Variants in MICU1 observed in about 807,000 individuals in gnomAD.
MICU1 encodes mitochondrial calcium uptake 1.
Under a neutral mutation model 56.8 loss-of-function variants are expected in MICU1, and 45 were observed. The observed-to-expected ratio is 0.79, with a 90% CI of 0.62 to 1.02. The LOEUF (loss-of-function observed/expected upper bound fraction) is 1.02. Among genes scored for constraint, MICU1 ranks in the 50% least tolerant of loss-of-function variants. The pLI, the probability that MICU1 is intolerant of heterozygous loss-of-function variation, is 0.00. For missense variants in MICU1, 504 were observed against 587.1 expected (o/e 0.86, Z 1.46); for synonymous variants, 186 against 195.1 (o/e 0.95, Z 0.39).
chr10:72,430,722 G>A (rs935875445), intron 8 of MICU1, among the ~76,000 whole-genome samples: 1 of 152,064 alleles, frequency 6.6e-6, no homozygotes, highest in Non-Finnish European at 1.5e-5. Context: ...CACCACGCCT[G>A]GCTAATTTTT....
At chr10:72,386,901 A>C (rs1389439922) in intron 10 of MICU1, among the ~76,000 whole-genome samples, 1 of 152,094 alleles carries the variant, frequency 6.6e-6, no homozygotes, top group Non-Finnish European at 1.5e-5. Flanking sequence ...CTACTATACC[A>C]AACTCCATAA....
intron 10 of MICU1, among the ~76,000 whole-genome samples, chr10:72,377,419 G>A (rs886882486): frequency 2.0e-5 from 3 of 151,998 alleles, no homozygotes; most frequent in African/African-American, 2.4e-5. Flanking sequence ...CACACTCAGC[G>A]GGCCCGGCCA....
chr10:72,455,572 C>A (rs1865434768), intron 8 of MICU1, among the ~76,000 whole-genome samples: 1 of 151,964 alleles, frequency 6.6e-6, no homozygotes, highest in Non-Finnish European at 1.5e-5. Flanking sequence ...GGGAATTTCC[C>A]AAGTTTATTA....
chr10:72,444,297 T>C lies in MICU1; in HGVS notation c.934-20926A>G, dbSNP rs556487864. On this transcript the variant is annotated intron_variant, in intron 8 of 11. Transcript: ENST00000361114. The stretch of plus-strand genomic sequence containing the variant: ...AGATGACGAGTTAGTGGGTGCAGCG[T>C]ACCAGCATGTCACATGTATACATAT... 2.8e-3 allele frequency among the ~76,000 whole-genome samples: 425 copies of C among 152,052 alleles called. 3 individuals carry two copies. The highest frequency in any genetic ancestry group is 9.7e-3 in the African/African-American group (401 of 41,474).
intron 4 of MICU1, among the ~76,000 whole-genome samples, chr10:72,547,112 C>G (rs1839914765): frequency 1.3e-5 from 2 of 152,076 alleles, no homozygotes; most frequent in South Asian, 4.1e-4. Flanking sequence ...CCAGGATGGT[C>G]TCGATCTCCT....
chr10:72,464,052 T>G (rs571901791), intron 8 of MICU1, among the ~76,000 whole-genome samples: 66 of 152,242 alleles, frequency 4.3e-4, no homozygotes, highest in Non-Finnish European at 7.5e-4. Flanking sequence ...TCCCAGCACT[T>G]TGGGAGGCTG....
chr10:72,474,086 G>A (rs916014410), intron 8 of MICU1, among the ~76,000 whole-genome samples: 9 of 151,562 alleles, frequency 5.9e-5, no homozygotes, highest in Non-Finnish European at 1.0e-4. Flanking sequence ...GTGAAACTGC[G>A]TCTCTAATAA....
chr10:72,477,730 A>C (rs1213785277), intron 6 of MICU1: 1 of 595,904 alleles, frequency 1.7e-6, no homozygotes, highest in African/African-American at 1.9e-5. Context: ...TCTTTGTTGT[A>C]AGTGCAGTCA....
At chr10:72,507,917 C>T (rs1400736708) in intron 6 of MICU1, among the ~76,000 whole-genome samples, 2 of 152,062 alleles carry the variant, frequency 1.3e-5, no homozygotes, top group South Asian at 2.1e-4. Context: ...TGTGCCCAGC[C>T]GTTTTGTTTT....
At chr10:72,567,703 T>C (rs959457013) in intron 1 of MICU1, among the ~76,000 whole-genome samples, 5 of 152,164 alleles carry the variant, frequency 3.3e-5, no homozygotes, top group African/African-American at 1.2e-4. Flanking sequence ...GGAAATTGCA[T>C]ATGAGAGTTG....
At position 72,569,229 on chromosome 10, in the gene MICU1, A is replaced by ATTTTTTT. The variant is rs1246062078; in HGVS notation, c.-1-2436_-1-2435insAAAAAAA. 4.1e-3 allele frequency among the ~76,000 whole-genome samples: 153 copies of ATTTTTTT among 37,706 alleles called. 7 individuals carry two copies. Among genetic ancestry groups the ATTTTTTT allele is most frequent in the African/African-American group, 0.013 (132 of 9,806 alleles). The allele number at this position is 37,706 out of a possible 152,430, so 24.7% of individuals were successfully genotyped here. On this transcript the variant is annotated intron_variant, in intron 1 of 11. Coordinates refer to ENST00000361114, the MANE Select transcript of MICU1 (RefSeq NM_001195518.2). Reference sequence around the variant, plus strand: ...TGCATATATATATATATATATATATATATATATATTTTTTTTTTTTTTTGA... The same window carrying ATTTTTTT: ...TGCATATATATATATATATATATATATTTTTTTTATATATATTTTTTTTTTTTTTTGA...
intron 10 of MICU1, among the ~76,000 whole-genome samples, chr10:72,390,977 C>T (rs951620787): frequency 6.6e-6 from 1 of 152,218 alleles, no homozygotes; most frequent in Non-Finnish European, 1.5e-5. Context: ...TTATCAACTT[C>T]ATAATAGAAG....
At chr10:72,470,114 C>A (rs1027639934) in intron 8 of MICU1, among the ~76,000 whole-genome samples, 4 of 152,152 alleles carry the variant, frequency 2.6e-5, no homozygotes, top group Admixed American at 2.6e-4. Flanking sequence ...TTAACCATTG[C>A]CCTGTTTTAC....
chr10:72,376,603 T>G (rs1332348489), intron 10 of MICU1, among the ~76,000 whole-genome samples: 1 of 152,182 alleles, frequency 6.6e-6, no homozygotes, highest in Non-Finnish European at 1.5e-5. Flanking sequence ...GCCACTGTAC[T>G]GGAGTAACAC....
intron 6 of MICU1, among the ~76,000 whole-genome samples, chr10:72,500,278 A>ATATT (rs1292777295): frequency 1.4e-5 from 1 of 70,238 alleles, no homozygotes; most frequent in African/African-American, 7.5e-5. Context: ...ATATATATAT[A>ATATT]TATATATATA....
At chr10:72,575,742 G>T (rs1290612274) in intron 1 of MICU1, among the ~76,000 whole-genome samples, 1 of 152,134 alleles carries the variant, frequency 6.6e-6, no homozygotes, top group Non-Finnish European at 1.5e-5. Flanking sequence ...GGTAACTGTT[G>T]TGTGTGTTCT....
chr10:72,455,946 A>G (rs1002102126), intron 8 of MICU1, among the ~76,000 whole-genome samples: 1 of 152,158 alleles, frequency 6.6e-6, no homozygotes, highest in Non-Finnish European at 1.5e-5. Context: ...AAGAATATGT[A>G]GCTGGGCACT....
At chr10:72,461,271 A>T (rs190559158) in intron 8 of MICU1, among the ~76,000 whole-genome samples, 11 of 152,320 alleles carry the variant, frequency 7.2e-5, no homozygotes, top group Admixed American at 5.9e-4. Context: ...TCTTGGCTCC[A>T]GTCCCAGAGT....
At chr10:72,616,829 T>C (rs115784156) in intron 1 of MICU1, among the ~76,000 whole-genome samples, 1 of 152,188 alleles carries the variant, frequency 6.6e-6, no homozygotes, top group African/African-American at 2.4e-5. Flanking sequence ...TCTCTGCAGC[T>C]ATTTCCAGTT....
Sources: gnomAD v4.1 joint callset for allele counts (sites outside exome capture counted in the v4.1 genomes callset) on GRCh38, gnomAD v4.1.1 for gene constraint, MANE v1.5 for transcripts, NCBI Gene and HGNC (gene_info 2026-07-23, HGNC 2026-07-21) for gene names.